Variants in LARP4B observed in about 807,000 individuals in gnomAD.
LARP4B encodes the protein la-related protein 4B.
A neutral mutation model predicts 89.8 loss-of-function variants in LARP4B; 12 were observed. The observed-to-expected ratio is 0.13, with a 90% CI of 0.09 to 0.22. LARP4B has a LOEUF of 0.22. Ranked by LOEUF, LARP4B falls within the 10% of genes least tolerant of loss-of-function variation. LARP4B has a pLI of 1.00. For missense variants in LARP4B, 757 were observed against 947.7 expected (o/e 0.80, Z 2.64); for synonymous variants, 367 against 363.3 (o/e 1.01, Z -0.12).
In LARP4B at chr10:825,781, C is replaced by T. The variant is rs763842845; in HGVS notation, c.1215G>A (p.Gln405=). 35 of 1,613,310 alleles carry T rather than the reference C, an allele frequency of 2.2e-5. No homozygotes were observed. The highest frequency in any genetic ancestry group is 2.7e-5 in the Non-Finnish European group (32 of 1,179,478). The change falls in exon 12 of 18, where the codon CAG becomes CAA. Residue 405 remains glutamine, a synonymous_variant. Transcript: ENST00000316157. ...PAASPLTSLR[Q]YPPRSRNPSK... Reference sequence around the variant, plus strand: ...GAACTTGCCTGCTTCGAGGAGGATACTGTCTGAGAGAAGTCAGAGGAGACG... The same window carrying T: ...GAACTTGCCTGCTTCGAGGAGGATATTGTCTGAGAGAAGTCAGAGGAGACG...
At chr10:909,060 T>A (rs192291111) in intron 1 of LARP4B, among the ~76,000 whole-genome samples, 17 of 151,916 alleles carry the variant, frequency 1.1e-4, no homozygotes, top group African/African-American at 4.1e-4. Context: ...TTTGGGAGGC[T>A]GAGGCGGGCA....
chr10:941,513 T>G, the LARP4B span, among the ~76,000 whole-genome samples: 59,798 of 151,658 alleles, frequency 0.39, 12,300 homozygotes, highest in African/African-American at 0.43. Flanking sequence ...GGGCGGGGGG[T>G]GTCTCACCAT....
intron 1 of LARP4B, among the ~76,000 whole-genome samples, chr10:909,436 G>A (rs1342950934): frequency 6.6e-6 from 1 of 151,942 alleles, no homozygotes; most frequent in Non-Finnish European, 1.5e-5. Context: ...AATGCAAACT[G>A]TTTAATATTA....
intron 3 of LARP4B, among the ~76,000 whole-genome samples, chr10:883,194 C>T (rs1245745094): frequency 2.0e-5 from 3 of 152,166 alleles, no homozygotes; most frequent in African/African-American, 4.8e-5. Context: ...GACTACCAAG[C>T]GTCTTATATT....
chr10:920,706 T>C (rs952193519), intron 1 of LARP4B, among the ~76,000 whole-genome samples: 6 of 151,804 alleles, frequency 4.0e-5, no homozygotes, highest in Non-Finnish European at 7.4e-5. Flanking sequence ...CAGGAGGTGA[T>C]GATTGCAGTG....
At chr10:839,020 A>G (rs1168218359) in intron 7 of LARP4B, among the ~76,000 whole-genome samples, 1 of 152,228 alleles carries the variant, frequency 6.6e-6, no homozygotes, top group East Asian at 1.9e-4. Flanking sequence ...TGAAGAGGCT[A>G]CATCCTATAG....
In LARP4B at chr10:830,859, G is replaced by C. The variant is rs763625837; in HGVS notation, c.861+8C>G. ...GCAATTCATAGGGTGATGGTGGAAAGAACTTACCTGTTGTGCATCAGCTTC... is the reference window on the plus strand; with the variant it reads ...GCAATTCATAGGGTGATGGTGGAAACAACTTACCTGTTGTGCATCAGCTTC... On this transcript the variant is annotated splice_region_variant and intron_variant, in intron 9 of 17. Transcript: ENST00000316157. 8.5e-7 allele frequency: 1 copy of C among 1,175,288 alleles called. No individual in the cohort carries two copies. The highest frequency in any genetic ancestry group is 1.3e-5 in the South Asian group (1 of 79,384). The allele number at this position is 1,175,288 out of a possible 1,614,324, so 72.8% of individuals were successfully genotyped here.
intron 3 of LARP4B, chr10:873,543 T>A: frequency 5.2e-6 from 2 of 382,166 alleles, no homozygotes; most frequent in South Asian, 1.1e-4. Context: ...TGGTGGTAAC[T>A]AAATAAAATA....
At chr10:930,566 G>A (rs1395019774) in intron 1 of LARP4B, among the ~76,000 whole-genome samples, 2 of 152,140 alleles carry the variant, frequency 1.3e-5, no homozygotes, top group Non-Finnish European at 2.9e-5. Context: ...AAGTTTCGAC[G>A]CACAACGGCA....
At chr10:892,161 C>T (rs1412503074) in intron 1 of LARP4B, among the ~76,000 whole-genome samples, 7 of 152,248 alleles carry the variant, frequency 4.6e-5, no homozygotes, top group African/African-American at 1.7e-4. Flanking sequence ...CAGTGCCTTA[C>T]ACCACTCGCA....
At chr10:932,070 C>G (rs1045810270), upstream of LARP4B, among the ~76,000 whole-genome samples, 57 of 151,300 alleles carry the variant, frequency 3.8e-4, no homozygotes, top group African/African-American at 1.2e-3. Flanking sequence ...GGGCTGGGCC[C>G]TGGTCCTCCG....
At chr10:985,706 G>A in the LARP4B span, 1 of 152,142 alleles carries the variant, frequency 6.6e-6, no homozygotes. Flanking sequence ...GTGCAGAGGG[G>A]GTCTGACAGT....
rs1832394522 is a variant in LARP4B at position 822,313 on chromosome 10, G to A, written c.1485-1468C>T. Among the ~76,000 whole-genome samples, 1 of 152,220 alleles carries A rather than the reference G, an allele frequency of 6.6e-6. No homozygotes were observed. Among genetic ancestry groups the A allele is most frequent in the Admixed American group, 6.5e-5 (1 of 15,290 alleles). On this transcript the variant is annotated intron_variant, in intron 13 of 17. Transcript: ENST00000316157. The surrounding 1 kb of genome is among the most constrained non-coding windows in gnomAD (Gnocchi z 4.6). ...CATTGCCCTGAGCGCTGGACAGAGGGACAGCAGCCACATGGGCAGAGGACA... is the reference window on the plus strand; with the variant it reads ...CATTGCCCTGAGCGCTGGACAGAGGAACAGCAGCCACATGGGCAGAGGACA...
At position 811,367 on chromosome 10, in the gene LARP4B, G is replaced by A. The variant is rs1048233335; in HGVS notation, c.*1559C>T. On this transcript the variant is annotated 3_prime_UTR_variant, in exon 18 of 18. Coordinates refer to ENST00000316157, the MANE Select transcript of LARP4B (RefSeq NM_015155.3). Reference sequence around the variant, plus strand: ...CAAGCGAAGCACACTCCAAGTGCACGTATTTAATACAGTATTGACTATTTG... The same window carrying A: ...CAAGCGAAGCACACTCCAAGTGCACATATTTAATACAGTATTGACTATTTG... 1 of 152,568 alleles carries A rather than the reference G, an allele frequency of 6.6e-6. No homozygotes were observed. Among genetic ancestry groups the A allele is most frequent in the Non-Finnish European group, 1.5e-5 (1 of 68,020 alleles). The allele number at this position is 152,568 out of a possible 1,614,324, so 9.5% of individuals were successfully genotyped here.
chr10:829,347 T>C, intron 11 of LARP4B, 38 bp downstream of exon 11: 1 of 1,491,310 alleles, frequency 6.7e-7, no homozygotes, highest in Non-Finnish European at 9.1e-7. Context: ...TCTAGCATAG[T>C]GTCTACAACA....
Position 814,580 on chromosome 10 carries a change from T to G in LARP4B, c.1929+162A>C, listed in dbSNP as rs1326308982. Reference sequence around the variant, plus strand: ...TAGTTAGTGGAAAATTATTAGCAAATATTAAAGGTATTTTGTACAGAAAAC... The same window carrying G: ...TAGTTAGTGGAAAATTATTAGCAAAGATTAAAGGTATTTTGTACAGAAAAC... On this transcript the variant is annotated intron_variant, in intron 17 of 17. Transcript: ENST00000316157. This position sits in a 1 kb window ranked among gnomAD's most constrained non-coding sequence, Gnocchi z 4.4. The G allele has an allele frequency of 3.1e-5, 45 of 1,475,336 alleles. No homozygotes were observed. The highest frequency in any genetic ancestry group is 4.1e-5 in the Non-Finnish European group (44 of 1,081,938). 91.4% of individuals were successfully genotyped at this position (1,475,336 alleles called of 1,614,324 possible).
chr10:911,622 G>A (rs1454442455), intron 1 of LARP4B, among the ~76,000 whole-genome samples: 1 of 152,104 alleles, frequency 6.6e-6, no homozygotes, highest in African/African-American at 2.4e-5. Flanking sequence ...GAAATCTAGA[G>A]GACACTTCTA....
At chr10:877,647 G>C (rs1267305758) in intron 3 of LARP4B, among the ~76,000 whole-genome samples, 4 of 152,130 alleles carry the variant, frequency 2.6e-5, no homozygotes, top group Non-Finnish European at 5.9e-5. Context: ...AGTACCTAGG[G>C]GTAAGACAGG....
chr10:922,266 G>A (rs1164807062), intron 1 of LARP4B, among the ~76,000 whole-genome samples: 1 of 152,224 alleles, frequency 6.6e-6, no homozygotes, highest in Admixed American at 6.5e-5. Context: ...AGCTCAGGCA[G>A]TAATGCTCAC....
Sources: allele counts gnomAD v4.1 joint callset (sites outside exome capture counted in the v4.1 genomes callset), GRCh38; gene constraint gnomAD v4.1.1; non-coding constraint Gnocchi (gnomAD v3.1); transcripts MANE v1.5; gene names NCBI Gene and HGNC (gene_info 2026-07-23, HGNC 2026-07-21).